DEK: variants seen among roughly 807,000 people sequenced by gnomAD.
DEK encodes the protein DEK proto-oncogene, also known as protein DEK.
A neutral mutation model predicts 46.8 loss-of-function variants in DEK; 28 were observed. The ratio of observed to expected loss-of-function variants is 0.60; its 90% CI spans 0.44 to 0.82. DEK has a LOEUF of 0.82. Ranked by LOEUF, DEK falls within the 40% of genes least tolerant of loss-of-function variation. The probability of loss-of-function intolerance (pLI) is 0.00; values close to 1 mark genes in which losing one functional copy is unlikely to be tolerated. For missense variants in DEK, 416 were observed against 430.6 expected (o/e 0.97, Z 0.30); for synonymous variants, 160 against 144.5 (o/e 1.11, Z -0.77).
intron 9 of DEK, among the ~76,000 whole-genome samples, chr6:18,230,979 A>T (rs1790391975): frequency 6.6e-6 from 1 of 152,184 alleles, no homozygotes. Context: ...AGTTGGAAGT[A>T]AAGCACTCCT....
chr6:18,231,970 A>G lies in DEK; in HGVS notation c.1047+4482T>C, dbSNP rs562949648. 7.7e-4 allele frequency among the ~76,000 whole-genome samples: 118 copies of G among 152,298 alleles called. 1 individual carries two copies. Among genetic ancestry groups the G allele is most frequent in the African/African-American group, 2.6e-3 (110 of 41,584 alleles). On this transcript the variant is annotated intron_variant, in intron 9 of 10. Coordinates refer to ENST00000652689, the MANE Select transcript of DEK (RefSeq NM_003472.4). Reference sequence around the variant, plus strand: ...CATCGACGCAAAAATCCTCAATACAATACTGGCAAACCGAATCCAGCAGCA... The same window carrying G: ...CATCGACGCAAAAATCCTCAATACAGTACTGGCAAACCGAATCCAGCAGCA...
chr6:18,254,474 GAA>G (rs1466919111), intron 6 of DEK, among the ~76,000 whole-genome samples: 4 of 151,958 alleles, frequency 2.6e-5, no homozygotes, highest in Admixed American at 6.6e-5. Context: ...TCATTCTTTT[GAA>G]AAGTTATTTT....
At chr6:18,242,901 T>C (rs1443597419) in intron 7 of DEK, among the ~76,000 whole-genome samples, 3 of 152,186 alleles carry the variant, frequency 2.0e-5, no homozygotes, top group Non-Finnish European at 4.4e-5. Context: ...AACTTTGTGC[T>C]GGCTCTGCTG....
intron 9 of DEK, among the ~76,000 whole-genome samples, chr6:18,234,313 G>A (rs867834090): frequency 2.0e-5 from 3 of 151,164 alleles, no homozygotes; most frequent in African/African-American, 4.9e-5. Context: ...TAACCTGCAC[G>A]TTGTGCACAT....
chr6:18,243,430 A>G (rs1239143906), intron 7 of DEK, among the ~76,000 whole-genome samples: 4 of 152,136 alleles, frequency 2.6e-5, no homozygotes, highest in Admixed American at 2.0e-4. Flanking sequence ...GTCACACAAC[A>G]ATGCCCAGCT....
chr6:18,259,068 T>C (rs1032979340), intron 2 of DEK, among the ~76,000 whole-genome samples: 4 of 151,886 alleles, frequency 2.6e-5, no homozygotes, highest in African/African-American at 7.3e-5. Flanking sequence ...CGGTGGCTCA[T>C]GCCTGTAATC....
At chr6:18,236,345 T>C in intron 9 of DEK, 107 bp downstream of exon 9, 1 of 1,242,632 alleles carries the variant, frequency 8.0e-7, no homozygotes. Flanking sequence ...GTTCAATAAA[T>C]CTTTCTTCAA....
At chr6:18,234,325 T>C (rs1303673998) in intron 9 of DEK, among the ~76,000 whole-genome samples, 1 of 152,072 alleles carries the variant, frequency 6.6e-6, no homozygotes, top group African/African-American at 2.4e-5. Context: ...TGTGCACATG[T>C]ATCCTAGAAC....
chr6:18,232,740 T>G (rs1270129134), intron 9 of DEK, among the ~76,000 whole-genome samples: 1 of 152,346 alleles, frequency 6.6e-6, no homozygotes, highest in South Asian at 2.1e-4. Context: ...GAACATTCCA[T>G]GCTCAAGGAT....
chr6:18,249,527 A>G (rs553303430), intron 7 of DEK, 124 bp downstream of exon 7: 5 of 1,360,800 alleles, frequency 3.7e-6, no homozygotes, highest in Non-Finnish European at 4.8e-6. Context: ...ATACTTAATC[A>G]TTTCTGCATC....
intron 10 of DEK, 80 bp from the exon 11 acceptor site, chr6:18,225,810 G>A (rs1790098302): frequency 6.5e-7 from 1 of 1,544,000 alleles, no homozygotes; most frequent in Non-Finnish European, 8.9e-7. Context: ...TTACTATTTT[G>A]TCCTTCAAAA....
intron 9 of DEK, among the ~76,000 whole-genome samples, chr6:18,230,888 C>CT (rs1484029805): frequency 6.6e-6 from 1 of 152,220 alleles, no homozygotes; most frequent in Admixed American, 6.5e-5. Context: ...TAACAGACAT[C>CT]TACAGAACTC....
intron 9 of DEK, among the ~76,000 whole-genome samples, chr6:18,228,098 T>C (rs1313817144): frequency 6.6e-6 from 1 of 152,188 alleles, no homozygotes; most frequent in Non-Finnish European, 1.5e-5. Context: ...TAGGCTTTAC[T>C]TCCACTGTAT....
At chr6:18,226,130 G>T in intron 10 of DEK, 44 bp downstream of exon 10, 1 of 1,220,154 alleles carries the variant, frequency 8.2e-7, no homozygotes, top group Non-Finnish European at 1.1e-6. Flanking sequence ...AATTACTTTT[G>T]TCTTATATTT....
In DEK at chr6:18,255,878, G is replaced by A. The variant is rs199538619; in HGVS notation, c.453-27C>T. ...TGAAACAGAAAATGGAAGAAACCAA[G>A]GTGTTAATATAGGAAAGCTTACATA... On this transcript the variant is annotated intron_variant, in intron 5 of 10. Coordinates refer to ENST00000652689, the MANE Select transcript of DEK (RefSeq NM_003472.4). 3.9e-5 allele frequency: 62 copies of A among 1,587,626 alleles called. No individual in the cohort carries two copies. The Middle Eastern group carries it at 5.1e-4, about 13-fold the overall frequency.
chr6:18,263,963 C>G lies in DEK; in HGVS notation c.25G>C (p.Glu9Gln), dbSNP rs755415804. Reference protein sequence around the residue: MSASAPAAEGEGTPTQPAS... With the variant: MSASAPAAQGEGTPTQPAS... ...GGCTGGGTGGGGGTTCCCTCCCCCT[C>G]CGCAGCAGGGGCCGAGGCGGACATG... Residue 9 changes from glutamate (E) to glutamine (Q), a missense_variant, in exon 2 of 11, where the codon GAG (glutamate) becomes CAG (glutamine). Physicochemically the swap from Glu to Gln is conservative, Grantham distance 29. Transcript: ENST00000652689. 2.1e-5 allele frequency: 34 copies of G among 1,612,178 alleles called. No homozygotes were observed. The highest frequency in any genetic ancestry group is 2.9e-5 in the Non-Finnish European group (34 of 1,179,378).
At chr6:18,259,924 T>C (rs549665984) in intron 2 of DEK, among the ~76,000 whole-genome samples, 31 of 152,306 alleles carry the variant, frequency 2.0e-4, no homozygotes, top group African/African-American at 5.8e-4. Flanking sequence ...AAACAACCCC[T>C]ACTATCACTC....
At chr6:18,257,747 G>T (rs1043243224) in intron 4 of DEK, among the ~76,000 whole-genome samples, 1 of 150,180 alleles carries the variant, frequency 6.7e-6, no homozygotes, top group African/African-American at 2.5e-5. Context: ...AAAAGAAAAA[G>T]AAAAAAGAAG....
chr6:18,260,389 T>C (rs983944297), intron 2 of DEK, among the ~76,000 whole-genome samples: 4 of 152,192 alleles, frequency 2.6e-5, no homozygotes, highest in Non-Finnish European at 5.9e-5. Flanking sequence ...TATATGCCTG[T>C]CTGTCATCTG....
Sources: gnomAD v4.1 joint callset for allele counts (sites outside exome capture counted in the v4.1 genomes callset) on GRCh38, gnomAD v4.1.1 for gene constraint, MANE v1.5 for transcripts, NCBI Gene and HGNC (gene_info 2026-07-23, HGNC 2026-07-21) for gene names.